The following SHROOM2 variants were observed in gnomAD, a reference collection of about 807,000 sequenced individuals.
SHROOM2 encodes the protein protein Shroom2.
A neutral mutation model predicts 75.9 loss-of-function variants in SHROOM2; 33 were observed. The ratio of observed to expected loss-of-function variants is 0.43; its 90% CI spans 0.33 to 0.58. SHROOM2 has a LOEUF of 0.58. SHROOM2 is among the 20% of genes least tolerant of loss of function. The probability of loss-of-function intolerance (pLI) is 0.04; values close to 1 mark genes in which losing one functional copy is unlikely to be tolerated. For synonymous variants in SHROOM2, 655 were observed against 663.6 expected, an observed-to-expected ratio of 0.99 and a Z score of 0.20; for missense variants, 1,434 against 1,461.2, an observed-to-expected ratio of 0.98 and a Z score of 0.30.
intron 1 of SHROOM2, among the ~76,000 whole-genome samples, chrX:9,851,633 T>A (rs1336013276): frequency 1.0e-5 from 1 of 98,505 alleles, no homozygotes; most frequent in East Asian, 3.1e-4. Context: ...ATTTTTGTAT[T>A]TTTTTTTTTT....
chrX:9,939,056 C>A (rs1321620234), intron 7 of SHROOM2, 139 bp from the exon 8 acceptor site: 4 of 449,047 alleles, frequency 8.9e-6, no homozygotes, highest in Admixed American at 9.5e-5. Flanking sequence ...CTTACTTTTC[C>A]CCCTTTGGCT....
At chrX:9,802,150 C>G (rs1379569071) in intron 1 of SHROOM2, among the ~76,000 whole-genome samples, 1 of 107,313 alleles carries the variant, frequency 9.3e-6, no homozygotes, top group Non-Finnish European at 1.9e-5. Context: ...CCAGGCTGGA[C>G]TTGAGCTCCC....
intron 1 of SHROOM2, among the ~76,000 whole-genome samples, chrX:9,790,370 AC>A: frequency 8.9e-6 from 1 of 112,175 alleles, no homozygotes; most frequent in Non-Finnish European, 1.9e-5. Flanking sequence ...CCAAGAGCCA[AC>A]CAAGCTCTTT....
chrX:9,922,727 T>C (rs971844060), intron 5 of SHROOM2, among the ~76,000 whole-genome samples: 1 of 111,191 alleles, frequency 9.0e-6, no homozygotes, highest in Non-Finnish European at 1.9e-5. Context: ...GAGAGAGTTG[T>C]TTCTCTGGGA....
chrX:9,887,253 A>C (rs2084266009), intron 2 of SHROOM2, among the ~76,000 whole-genome samples: 1 of 112,700 alleles, frequency 8.9e-6, no homozygotes, highest in African/African-American at 3.2e-5. Context: ...ACTTGGATTT[A>C]AGGAATCGGT....
At chrX:9,806,151 T>C (rs6640513) in intron 1 of SHROOM2, among the ~76,000 whole-genome samples, 22,031 of 109,532 alleles carry the variant, frequency 0.2, 4,484 homozygotes, top group African/African-American at 0.62. Flanking sequence ...TTGAGCCTCC[T>C]AGCCTGTGGT....
At chrX:9,941,595 C>T (rs190106813) in intron 8 of SHROOM2, among the ~76,000 whole-genome samples, 1 of 112,046 alleles carries the variant, frequency 8.9e-6, no homozygotes, top group African/African-American at 3.2e-5. Context: ...ATTAGCTCAG[C>T]TGAGGTAGGT....
intron 5 of SHROOM2, among the ~76,000 whole-genome samples, chrX:9,924,111 C>T (rs1472441522): frequency 8.9e-6 from 1 of 112,193 alleles, no homozygotes; most frequent in Non-Finnish European, 1.9e-5. Flanking sequence ...AGAGACACGG[C>T]AGTAGAGAAA....
chrX:9,808,734 C>T (rs1366512955), intron 1 of SHROOM2, among the ~76,000 whole-genome samples: 5 of 109,915 alleles, frequency 4.5e-5, no homozygotes, highest in African/African-American at 9.9e-5. Flanking sequence ...TGGTATCAGG[C>T]GCCTATAATC....
chrX:9,908,935 C>T (rs1250699256), intron 5 of SHROOM2, among the ~76,000 whole-genome samples: 1 of 72,959 alleles, frequency 1.4e-5, no homozygotes, highest in Non-Finnish European at 2.9e-5. Flanking sequence ...ACAGTGAGAC[C>T]CTCTCTCAAA....
chrX:9,923,071 G>C (rs2084561836), intron 5 of SHROOM2, among the ~76,000 whole-genome samples: 1 of 111,889 alleles, frequency 8.9e-6, no homozygotes. Context: ...CTAAGGGAGA[G>C]GGGATGGGAA....
At chrX:9,888,379 G>T (rs781434614) in intron 2 of SHROOM2, among the ~76,000 whole-genome samples, 4 of 112,382 alleles carry the variant, frequency 3.6e-5, no homozygotes, top group Non-Finnish European at 7.5e-5. Context: ...CCTTATCCAC[G>T]TGGCTCACTT....
intron 1 of SHROOM2, among the ~76,000 whole-genome samples, chrX:9,803,077 C>T (rs1435768437): frequency 9.3e-6 from 1 of 107,423 alleles, no homozygotes; most frequent in East Asian, 2.9e-4. Flanking sequence ...CACAGGCACA[C>T]ACCACCCCAA....
intron 5 of SHROOM2, among the ~76,000 whole-genome samples, chrX:9,908,887 G>A (rs1405986490): frequency 9.1e-6 from 1 of 110,346 alleles, no homozygotes; most frequent in Non-Finnish European, 1.9e-5. Context: ...CAAGGCTGCA[G>A]TGAGCTATGA....
chrX:9,939,690 G>C (rs928320458), intron 8 of SHROOM2, among the ~76,000 whole-genome samples: 1 of 112,074 alleles, frequency 8.9e-6, no homozygotes, highest in East Asian at 2.8e-4. Flanking sequence ...GTGCAGGCTT[G>C]AGTGCAATGG....
intron 1 of SHROOM2, among the ~76,000 whole-genome samples, chrX:9,820,678 T>C (rs2083849115): frequency 1.8e-5 from 2 of 112,320 alleles, no homozygotes; most frequent in South Asian, 7.3e-4. Context: ...CTTTTTCTTT[T>C]GAAAAAATCC....
intron 2 of SHROOM2, among the ~76,000 whole-genome samples, chrX:9,888,620 T>A (rs1274510303): frequency 9.0e-6 from 1 of 110,684 alleles, no homozygotes; most frequent in African/African-American, 3.3e-5. Flanking sequence ...ATTTTTAAAT[T>A]TTGTGCTGAG....
rs1473305386 is a variant in SHROOM2, at chrX:9,937,399, G to A, written c.3853G>A (p.Gly1285Ser). 1 of 1,207,547 alleles carries A rather than the reference G, an allele frequency of 8.3e-7. No individual in the cohort carries two copies. The highest frequency in any genetic ancestry group is 1.1e-6 in the Non-Finnish European group (1 of 893,710). ...RAQPAEPQPL[G>S]TQVPPEKDRC... ...CCAGCCGGCTGAGCCCCAGCCCCTGGGCACCCAGGTGCCCCCCGAGAAAGA... is the reference window on the plus strand; with the variant it reads ...CCAGCCGGCTGAGCCCCAGCCCCTGAGCACCCAGGTGCCCCCCGAGAAAGA... The change falls in exon 7 of 10, where the codon GGC becomes AGC. Residue 1285 changes from glycine (G) to serine (S), a missense_variant. By Grantham distance (56) the Gly-to-Ser change is moderately conservative (BLOSUM62 0). Around this residue, in one of 3 missense-constraint regions of SHROOM2, gnomAD observed 1,340 missense variants for 1,338.3 expected, o/e 1.00. Coordinates refer to ENST00000380913, the MANE Select transcript of SHROOM2 (RefSeq NM_001649.4).
intron 6 of SHROOM2, 126 bp from the exon 7 acceptor site, chrX:9,937,008 C>T (rs2084715523): frequency 8.9e-6 from 6 of 676,512 alleles, no homozygotes; most frequent in Non-Finnish European, 1.1e-5. Context: ...GAGGCTCCTT[C>T]GAGTTGGGTG....
Sources: gnomAD v4.1 joint callset for allele counts (sites outside exome capture counted in the v4.1 genomes callset) on GRCh38, gnomAD v4.1.1 for gene constraint, gnomAD v4.1.1 regional missense constraint, MANE v1.5 for transcripts, NCBI Gene and HGNC (gene_info 2026-07-23, HGNC 2026-07-21) for gene names.